Variants in RBM41 observed in about 807,000 individuals in gnomAD.
The protein encoded by RBM41 is RNA-binding protein 41.
RBM41 carries 14 observed loss-of-function variants against 30.8 expected under a neutral mutation model. That is an observed-to-expected ratio of 0.45 (90% confidence interval 0.30 to 0.71). The LOEUF (loss-of-function observed/expected upper bound fraction) is 0.71, where lower values mean the gene tolerates loss of function less well. RBM41 is among the 30% of genes least tolerant of loss of function. The pLI, the probability that RBM41 is intolerant of heterozygous loss-of-function variation, is 0.08. For synonymous variants in RBM41, 120 were observed against 110.1 expected (o/e 1.09, Z -0.56); for missense variants, 276 against 326.3 (o/e 0.85, Z 1.19).
At chrX:107,103,817 C>T (rs946415626) in intron 5 of RBM41, among the ~76,000 whole-genome samples, 1 of 111,500 alleles carries the variant, frequency 9.0e-6, no homozygotes, top group African/African-American at 3.3e-5. Flanking sequence ...AAAATCACAA[C>T]ACTAGTTGCC....
chrX:107,065,794 T>C lies in RBM41; in HGVS notation c.*1733A>G. On this transcript the variant is annotated 3_prime_UTR_variant, in exon 8 of 8. Transcript: ENST00000685964. ...CAAATATATTATATTTTATACGTTA[T>C]AGGCCAAACGATGCAACTATATACA... The C allele has an allele frequency of 1.8e-6, 2 of 1,132,352 alleles. No individual in the cohort carries two copies. Among genetic ancestry groups the C allele is most frequent in the Non-Finnish European group, 2.3e-6 (2 of 855,523 alleles). 93.3% of individuals were successfully genotyped at this position (1,132,352 alleles called of 1,213,427 possible).
chrX:107,081,395 A>G (rs905712975), intron 6 of RBM41, among the ~76,000 whole-genome samples: 4 of 111,612 alleles, frequency 3.6e-5, no homozygotes, highest in African/African-American at 9.8e-5. Flanking sequence ...CTTTTCCCTC[A>G]GCAACACCAC....
At chrX:107,105,117 C>T (rs1281774513) in intron 5 of RBM41, among the ~76,000 whole-genome samples, 6 of 111,329 alleles carry the variant, frequency 5.4e-5, no homozygotes, top group African/African-American at 1.6e-4. Context: ...ATCTAGAAAA[C>T]CCCACCGTCT....
intron 6 of RBM41, among the ~76,000 whole-genome samples, chrX:107,082,938 T>C (rs1921671362): frequency 9.0e-6 from 1 of 111,690 alleles, no homozygotes; most frequent in Admixed American, 9.5e-5. Flanking sequence ...TTATTCTAGA[T>C]TGTTTTAAAA....
chrX:107,054,350 C>T, the RBM41 span, among the ~76,000 whole-genome samples: 5 of 111,590 alleles, frequency 4.5e-5, no homozygotes, highest in Admixed American at 4.7e-4. Context: ...TACTCAGGTA[C>T]GCCATGGGTT....
At chrX:107,096,854 G>A (rs1348224283) in intron 5 of RBM41, among the ~76,000 whole-genome samples, 3 of 111,862 alleles carry the variant, frequency 2.7e-5, no homozygotes, top group Non-Finnish European at 5.6e-5. Flanking sequence ...TAAAGGACTT[G>A]TATTCAGAAT....
chrX:107,111,081 G>A (rs971234930), intron 5 of RBM41, among the ~76,000 whole-genome samples: 1 of 111,233 alleles, frequency 9.0e-6, no homozygotes, highest in South Asian at 3.7e-4. Context: ...AACACTTTGT[G>A]CATCAAAGGA....
chrX:107,062,240 A>G lies in RBM41; in HGVS notation c.*5287T>C, dbSNP rs1039204133. Among the ~76,000 whole-genome samples the G allele has an allele frequency of 3.6e-5, 4 of 112,132 alleles. No individual in the cohort carries two copies. Among genetic ancestry groups the G allele is most frequent in the African/African-American group, 1.3e-4 (4 of 30,884 alleles). Reference sequence around the variant, plus strand: ...ATCCAAGTGGTTGCATGTGTATTTCATTAGTTTATTGCTGAGTAGGATTCC... The same window carrying G: ...ATCCAAGTGGTTGCATGTGTATTTCGTTAGTTTATTGCTGAGTAGGATTCC... On this transcript the variant is annotated 3_prime_UTR_variant, in exon 8 of 8. Transcript: ENST00000685964.
chrX:107,066,437 C>T lies in RBM41; in HGVS notation c.*1090G>A, dbSNP rs931275610. The T allele has an allele frequency of 8.1e-5, 9 of 111,659 alleles. No homozygotes were observed. The highest frequency in any genetic ancestry group is 2.9e-4 in the African/African-American group (9 of 30,688). The allele number at this position is 111,659 out of a possible 1,213,427, so 9.2% of individuals were successfully genotyped here. A position where few individuals can be genotyped will look rare whatever the true frequency, so the allele number is the denominator to read the frequency against. On this transcript the variant is annotated 3_prime_UTR_variant, in exon 8 of 8. Coordinates refer to ENST00000685964, the MANE Select transcript of RBM41 (RefSeq NM_001324242.2). The stretch of plus-strand genomic sequence containing the variant: ...CTCCCATTAGAAATATGTAGGAATG[C>T]TTAATGGTGTCACACAGGTTCTATA...
At chrX:107,061,719 C>A (rs1489969441), downstream of RBM41, among the ~76,000 whole-genome samples, 1 of 110,943 alleles carries the variant, frequency 9.0e-6, no homozygotes, top group Admixed American at 9.6e-5. Flanking sequence ...GTCGAGGTTA[C>A]TCGCATGAGC....
downstream of RBM41, among the ~76,000 whole-genome samples, chrX:107,061,561 T>C (rs1935640591): frequency 8.9e-6 from 1 of 112,130 alleles, no homozygotes; most frequent in Admixed American, 9.5e-5. Context: ...CAGCTTGTCC[T>C]TTGATTTTTT....
chrX:107,104,274 T>A (rs1923744222), intron 5 of RBM41, among the ~76,000 whole-genome samples: 1 of 111,609 alleles, frequency 9.0e-6, no homozygotes, highest in Non-Finnish European at 1.9e-5. Context: ...CTGAAGTATT[T>A]CGGGGGAAGG....
intron 6 of RBM41, among the ~76,000 whole-genome samples, chrX:107,077,926 G>A (rs183848420): frequency 3.1e-3 from 341 of 111,446 alleles, no homozygotes; most frequent in Non-Finnish European, 3.9e-3. Context: ...TTAATGTAAT[G>A]TAATGTAACC....
At chrX:107,071,711 A>G (rs929402645) in intron 6 of RBM41, among the ~76,000 whole-genome samples, 8 of 111,983 alleles carry the variant, frequency 7.1e-5, no homozygotes, top group Non-Finnish European at 1.1e-4. Context: ...ACACTGTTTC[A>G]TGATGAAGAC....
intron 5 of RBM41, among the ~76,000 whole-genome samples, chrX:107,091,938 A>G (rs1294105306): frequency 8.9e-6 from 1 of 111,763 alleles, no homozygotes; most frequent in East Asian, 2.8e-4. Context: ...TTGGTCTTAT[A>G]TCTAGTCTCA....
intron 5 of RBM41, among the ~76,000 whole-genome samples, chrX:107,101,037 A>G (rs1181180305): frequency 8.9e-6 from 1 of 112,309 alleles, no homozygotes; most frequent in African/African-American, 3.2e-5. Flanking sequence ...CATACAGTAT[A>G]ATTCACTGAC....
At chrX:107,112,727 A>G (rs766834691) in intron 5 of RBM41, 1 of 232,344 alleles carries the variant, frequency 4.3e-6, no homozygotes, top group Admixed American at 5.2e-5. Context: ...GATACACGCA[A>G]CAACTCAAAT....
chrX:107,068,431 T>C (rs1203163930), intron 7 of RBM41, among the ~76,000 whole-genome samples: 1 of 112,093 alleles, frequency 8.9e-6, no homozygotes, highest in Non-Finnish European at 1.9e-5. Context: ...CTTTTTATTA[T>C]GTATTTTTTC....
rs4826901 is a variant in RBM41 at position 107,110,244 on chromosome X, T to C, written c.595+3153A>G. ...GATCTAAATGTAAAATGTATAACTA[T>C]ATAACTATCAGAAGAAAACATAGGA... is the stretch of plus-strand genomic sequence containing the variant. On this transcript the variant is annotated intron_variant, in intron 5 of 7. Coordinates refer to ENST00000685964, the MANE Select transcript of RBM41 (RefSeq NM_001324242.2). 7.8e-3 allele frequency among the ~76,000 whole-genome samples: 870 copies of C among 111,389 alleles called. 24 individuals are homozygous for C. The East Asian group carries it at 0.12, about 15-fold the overall frequency.
Sources: gnomAD v4.1 joint callset for allele counts (sites outside exome capture counted in the v4.1 genomes callset) on GRCh38, gnomAD v4.1.1 for gene constraint, MANE v1.5 for transcripts, NCBI Gene and HGNC (gene_info 2026-07-23, HGNC 2026-07-21) for gene names.